The following CNTNAP2 variants were observed in gnomAD, a reference collection of about 807,000 sequenced individuals.
The protein encoded by CNTNAP2 is contactin associated protein 2, also known as contactin-associated protein-like 2.
CNTNAP2 carries 98 observed loss-of-function variants against 155.2 expected under a neutral mutation model. The ratio of observed to expected loss-of-function variants is 0.63; its 90% confidence interval spans 0.54 to 0.75. The LOEUF (loss-of-function observed/expected upper bound fraction) is 0.75. Among genes scored for constraint, CNTNAP2 ranks in the 30% least tolerant of loss-of-function variants. CNTNAP2 has a pLI of 0.00. For missense variants in CNTNAP2, 1,727 were observed against 1,688.1 expected (o/e 1.02, Z -0.40); for synonymous variants, 651 against 631.2 (o/e 1.03, Z -0.47).
intron 13 of CNTNAP2, among the ~76,000 whole-genome samples, chr7:147,746,055 G>A (rs1041640382): frequency 3.4e-4 from 52 of 152,140 alleles, no homozygotes; most frequent in African/African-American, 1.2e-3. Context: ...AAAGCACACA[G>A]GGTCAAATAT....
chr7:146,770,268 T>C (rs182507810), intron 1 of CNTNAP2, among the ~76,000 whole-genome samples: 229 of 151,848 alleles, frequency 1.5e-3, no homozygotes, highest in African/African-American at 5.1e-3. Flanking sequence ...TGTGCATATA[T>C]ACAAATGGAA....
chr7:147,179,264 G>T (rs907036376), intron 8 of CNTNAP2, among the ~76,000 whole-genome samples: 4 of 152,132 alleles, frequency 2.6e-5, no homozygotes, highest in East Asian at 1.9e-4. Context: ...AAGACTAGAA[G>T]CTTAGTTGGA....
intron 3 of CNTNAP2, among the ~76,000 whole-genome samples, chr7:146,972,260 A>G (rs1296983197): frequency 5.9e-5 from 9 of 152,228 alleles, no homozygotes; most frequent in Admixed American, 5.9e-4. Flanking sequence ...TGTATATTCT[A>G]GTAATGATAC....
At chr7:146,463,698 A>G (rs1796672941) in intron 1 of CNTNAP2, among the ~76,000 whole-genome samples, 1 of 152,178 alleles carries the variant, frequency 6.6e-6, no homozygotes, top group African/African-American at 2.4e-5. Flanking sequence ...ACATGTATAC[A>G]GATATATACA....
intron 10 of CNTNAP2, among the ~76,000 whole-genome samples, chr7:147,425,758 T>G (rs905352533): frequency 6.6e-6 from 1 of 152,180 alleles, no homozygotes; most frequent in Non-Finnish European, 1.5e-5. Context: ...TTTGAACTTC[T>G]TGTCAGCATT....
chr7:146,670,590 A>C (rs1391586274), intron 1 of CNTNAP2, among the ~76,000 whole-genome samples: 1 of 152,226 alleles, frequency 6.6e-6, no homozygotes, highest in Non-Finnish European at 1.5e-5. Context: ...AAACTTGGGA[A>C]GTGAATAGAA....
chr7:148,033,561 G>A (rs1802521205), intron 15 of CNTNAP2, among the ~76,000 whole-genome samples: 1 of 152,164 alleles, frequency 6.6e-6, no homozygotes, highest in Non-Finnish European at 1.5e-5. Context: ...TTATGAGTGA[G>A]AACATGCTTA....
intron 10 of CNTNAP2, among the ~76,000 whole-genome samples, chr7:147,443,244 C>T (rs1214123761): frequency 6.6e-6 from 1 of 152,112 alleles, no homozygotes; most frequent in African/African-American, 2.4e-5. Flanking sequence ...TTAAATGGTC[C>T]CTCCATGGGT....
intron 3 of CNTNAP2, among the ~76,000 whole-genome samples, chr7:147,029,609 G>C (rs1355080911): frequency 6.6e-6 from 1 of 150,972 alleles, no homozygotes; most frequent in African/African-American, 2.4e-5. Flanking sequence ...AATGGCTTCT[G>C]TAGACCCAAG....
intron 1 of CNTNAP2, among the ~76,000 whole-genome samples, chr7:146,247,697 C>T (rs1342709049): frequency 1.3e-5 from 2 of 152,022 alleles, no homozygotes; most frequent in Non-Finnish European, 2.9e-5. Context: ...GAACTACTGT[C>T]GAGTTTGTAT....
intron 8 of CNTNAP2, chr7:147,161,558 C>CAAG: frequency 1.3e-5 from 2 of 152,198 alleles, no homozygotes; most frequent in East Asian, 3.9e-4. Flanking sequence ...TGCTGACTGT[C>CAAG]TTGGTACAAG....
chr7:147,230,302 G>C (rs1224014739), intron 8 of CNTNAP2, among the ~76,000 whole-genome samples: 1 of 151,864 alleles, frequency 6.6e-6, no homozygotes, highest in Non-Finnish European at 1.5e-5. Context: ...TCTGTCACCA[G>C]GCTGGAGTAG....
At chr7:147,450,516 T>G (rs1797813842) in intron 10 of CNTNAP2, among the ~76,000 whole-genome samples, 1 of 152,164 alleles carries the variant, frequency 6.6e-6, no homozygotes, top group African/African-American at 2.4e-5. Flanking sequence ...CTATAGAAAC[T>G]GTGACATAAT....
chr7:146,944,174 AT>A (rs150242898), intron 3 of CNTNAP2, among the ~76,000 whole-genome samples: 4,379 of 146,814 alleles, frequency 0.03, 104 homozygotes, highest in South Asian at 0.076. Flanking sequence ...TGACATGGCT[AT>A]TTTTTTCTTA....
intron 13 of CNTNAP2, among the ~76,000 whole-genome samples, chr7:147,782,738 T>A (rs931317067): frequency 6.6e-6 from 1 of 152,222 alleles, no homozygotes; most frequent in Non-Finnish European, 1.5e-5. Flanking sequence ...CACAGCAGCC[T>A]GTTTATGTCA....
intron 9 of CNTNAP2, among the ~76,000 whole-genome samples, chr7:147,383,407 AGAT>A (rs1796572267): frequency 6.6e-6 from 1 of 152,196 alleles, no homozygotes. Context: ...GGATTGTTTT[AGAT>A]AAGTAAGGTG....
chr7:148,328,400 A>T (rs1425233423), intron 21 of CNTNAP2, among the ~76,000 whole-genome samples: 1 of 152,128 alleles, frequency 6.6e-6, no homozygotes, highest in Non-Finnish European at 1.5e-5. Flanking sequence ...GTATCAATTG[A>T]TCATTTGGGG....
intron 13 of CNTNAP2, among the ~76,000 whole-genome samples, chr7:147,653,176 G>T (rs1329859040): frequency 1.3e-5 from 2 of 152,142 alleles, no homozygotes; most frequent in African/African-American, 2.4e-5. Flanking sequence ...ATAGAAAAAT[G>T]CTGTAAAAGG....
chr7:147,202,766 G>C (rs924070228), intron 8 of CNTNAP2, among the ~76,000 whole-genome samples: 14 of 151,938 alleles, frequency 9.2e-5, no homozygotes, highest in African/African-American at 3.1e-4. Flanking sequence ...ATGGACACAG[G>C]GCAGGGAACA....
Sources: gnomAD v4.1 joint callset for allele counts (sites outside exome capture counted in the v4.1 genomes callset) on GRCh38, gnomAD v4.1.1 for gene constraint, MANE v1.5 for transcripts, NCBI Gene and HGNC (gene_info 2026-07-23, HGNC 2026-07-21) for gene names.